The following SCUBE2 variants were observed in gnomAD, a reference collection of about 807,000 sequenced individuals.
The protein encoded by SCUBE2 is signal peptide, CUB domain and EGF like domain containing 2.
In SCUBE2, 114 loss-of-function variants were observed where a neutral mutation model predicts 125.9. The ratio of observed to expected loss-of-function variants is 0.91; its 90% CI spans 0.78 to 1.06. SCUBE2 has a LOEUF of 1.06. SCUBE2 is among the 50% of genes least tolerant of loss of function. The pLI is 0.00. For synonymous variants in SCUBE2, 459 were observed against 492.9 expected (o/e 0.93, Z 0.91); for missense variants, 1,255 against 1,301.8 (o/e 0.96, Z 0.55).
intron 5 of SCUBE2, among the ~76,000 whole-genome samples, chr11:9,067,220 A>G (rs1026304212): frequency 9.2e-5 from 14 of 152,214 alleles, no homozygotes; most frequent in African/African-American, 3.1e-4. Flanking sequence ...AACAGACAAT[A>G]TTTAATTTGT....
Position 9,047,479 on chromosome 11 carries a change from T to C in SCUBE2, c.1879A>G (p.Arg627Gly). The change falls in exon 16 of 23, where the codon AGG becomes GGG. Residue 627 changes from arginine (R) to glycine (G), a missense_variant. By Grantham distance (125) the Arg-to-Gly change is moderately radical. This residue lies in a region of SCUBE2 where 515 missense variants were observed against 515.7 expected (regional missense o/e 1.00). Transcript: ENST00000649792. ...AIRTLRKAVHREQFHLQLSGM... is the reference protein window; with the variant it reads ...AIRTLRKAVHGEQFHLQLSGM... The stretch of plus-strand genomic sequence containing the variant: ...GAGAGCTGGAGGTGAAACTGCTCCC[T>C]GTGGACGGCCTTTCTGAGCGTGCGG... 1.9e-6 allele frequency: 3 copies of C among 1,613,948 alleles called. No homozygotes were observed. The highest frequency in any genetic ancestry group is 2.5e-6 in the Non-Finnish European group (3 of 1,179,994).
Position 9,048,025 on chromosome 11 carries a change from TCC to T in SCUBE2, c.1711_1712del (p.Gly571SerfsTer9). ...LTCSSGKQVP[G>X]APGRPSTPKE... ...TAGGGGTGCTTGGTCGGCCAGGGGC[TCC>T]TGGGACTTGCTTGCCAGAGCTGCAT... On this transcript the variant is annotated frameshift_variant, in exon 15 of 23. Transcript: ENST00000649792. LOFTEE classifies it high-confidence loss of function. 6.2e-7 allele frequency: 1 copy of T among 1,614,228 alleles called. No individual in the cohort carries two copies. The highest frequency in any genetic ancestry group is 8.5e-7 in the Non-Finnish European group (1 of 1,180,040).
intron 16 of SCUBE2, among the ~76,000 whole-genome samples, chr11:9,037,619 G>A (rs1856849208): frequency 6.6e-6 from 1 of 152,232 alleles, no homozygotes; most frequent in African/African-American, 2.4e-5. Context: ...GTGCCCCAGG[G>A]CTGCTGCTTT....
chr11:9,024,582 C>G (rs920489781), intron 21 of SCUBE2, among the ~76,000 whole-genome samples: 1 of 152,146 alleles, frequency 6.6e-6, no homozygotes, highest in Non-Finnish European at 1.5e-5. Flanking sequence ...CACAGCTGAA[C>G]CCCATTCCCT....
chr11:9,058,595 C>CAAAAAAAAAAAAA lies in SCUBE2; in HGVS notation c.1090+695_1090+707dup, dbSNP rs61409328. ...TGGGTGACAGAGCGAGACTCTGTCT[C>CAAAAAAAAAAAAA]AAAAAAAAAAAAAAAAAAAAAAAAA... On this transcript the variant is annotated intron_variant, in intron 9 of 22. Transcript: ENST00000649792. 1.4e-4 allele frequency among the ~76,000 whole-genome samples: 6 copies of CAAAAAAAAAAAAA among 44,314 alleles called. 1 individual carries two copies. The highest frequency in any genetic ancestry group is 5.1e-4 in the African/African-American group (6 of 11,760). The allele number at this position is 44,314 out of a possible 152,430, so 29.1% of individuals were successfully genotyped here. A position where few individuals can be genotyped will look rare whatever the true frequency, so the allele number is the denominator to read the frequency against.
Position 9,067,108 on chromosome 11 carries a change from A to G in SCUBE2, c.644-295T>C, listed in dbSNP as rs528668591. 2.0e-5 allele frequency among the ~76,000 whole-genome samples: 3 copies of G among 152,360 alleles called. No homozygotes were observed. In the South Asian group the frequency reaches 6.2e-4, roughly 32 times the overall value. On this transcript the variant is annotated intron_variant, in intron 5 of 22. Coordinates refer to ENST00000649792, the MANE Select transcript of SCUBE2 (RefSeq NM_001367977.2). ...TTATTATATAAGGGAGATTATACCA[A>G]GAGATTCTAGACTACTGCTTTGTTC... is the stretch of plus-strand genomic sequence containing the variant.
At chr11:9,069,697 T>C (rs3751050) in intron 4 of SCUBE2, among the ~76,000 whole-genome samples, 13,730 of 152,248 alleles carry the variant, frequency 0.09, 721 homozygotes, top group South Asian at 0.2. Context: ...CCAAGAGATA[T>C]GATGTCTCAA....
intron 8 of SCUBE2, chr11:9,059,747 GGGTCTCTTT>G (rs1859473093): frequency 3.4e-6 from 1 of 293,100 alleles, no homozygotes; most frequent in South Asian, 7.7e-5. Context: ...AAGGTAAGAT[GGGTCTCTTT>G]AGTACACTAT....
Position 9,052,802 on chromosome 11 carries a change from C to A in SCUBE2, c.1478G>T (p.Gly493Val). The stretch of plus-strand genomic sequence containing the variant: ...TTTGTTCCTGAGAGGAGAGGAAGAG[C>A]CACAGGTGACAGAGTAGGCCCCTTG... Reference protein sequence around the residue: ...GLQGAYSVTCGSSSPLRNKQQ... With the variant: ...GLQGAYSVTCVSSSPLRNKQQ... The change falls in exon 13 of 23, where the codon GGC (glycine) becomes GTC (valine). Residue 493 changes from glycine (G) to valine (V), a missense_variant. Transcript: ENST00000649792. The A allele has an allele frequency of 7.2e-6, 11 of 1,537,124 alleles. No homozygotes were observed. Among genetic ancestry groups the A allele is most frequent in the Non-Finnish European group, 9.6e-6 (11 of 1,146,848 alleles).
intron 8 of SCUBE2, 58 bp downstream of exon 8, chr11:9,060,350 G>A (rs1032085255): frequency 1.3e-4 from 167 of 1,314,824 alleles, no homozygotes; most frequent in Non-Finnish European, 1.6e-4. Flanking sequence ...ATATGTTAGC[G>A]GCATGGGCCC....
chr11:9,027,672 G>T, intron 19 of SCUBE2, 111 bp from the exon 20 acceptor site: 1 of 873,796 alleles, frequency 1.1e-6, no homozygotes, highest in Non-Finnish European at 1.8e-6. Flanking sequence ...AATGGGGCAT[G>T]AAAATGACAC....
intron 9 of SCUBE2, among the ~76,000 whole-genome samples, chr11:9,056,719 G>A (rs935285760): frequency 6.6e-6 from 1 of 152,130 alleles, no homozygotes; most frequent in Non-Finnish European, 1.5e-5. Flanking sequence ...CTTTCTTGTA[G>A]GCTGGAATTT....
intron 4 of SCUBE2, among the ~76,000 whole-genome samples, chr11:9,069,998 G>A (rs1860624513): frequency 6.6e-6 from 1 of 152,164 alleles, no homozygotes; most frequent in Non-Finnish European, 1.5e-5. Flanking sequence ...GTGTGACTGT[G>A]GCATTTTGGC....
Position 9,055,929 on chromosome 11 carries a change from A to T in SCUBE2, c.1091-20T>A. 1 of 1,600,322 alleles carries T rather than the reference A, an allele frequency of 6.2e-7. No homozygotes were observed. Among genetic ancestry groups the T allele is most frequent in the Non-Finnish European group, 8.6e-7 (1 of 1,167,382 alleles). ...CCACATCTGTAATGGTCAAAGGGAG[A>T]GGGGAGCTGAAACCCACTCTGAGGG... On this transcript the variant is annotated intron_variant, in intron 9 of 22. Transcript: ENST00000649792.
intron 10 of SCUBE2, among the ~76,000 whole-genome samples, chr11:9,054,698 A>ACAATATAT (rs1564822811): frequency 1.5e-4 from 9 of 61,236 alleles, no homozygotes; most frequent in Non-Finnish European, 1.9e-4. Flanking sequence ...GCAAAGCACT[A>ACAATATAT]GTGTATATAT....
intron 2 of SCUBE2, among the ~76,000 whole-genome samples, chr11:9,081,990 C>A (rs1564850977): frequency 6.6e-6 from 1 of 152,178 alleles, no homozygotes; most frequent in Non-Finnish European, 1.5e-5. Context: ...TCCTCACAGA[C>A]ATTTATTATT....
intron 2 of SCUBE2, among the ~76,000 whole-genome samples, chr11:9,088,156 G>A (rs762921695): frequency 6.6e-6 from 1 of 152,210 alleles, no homozygotes; most frequent in Non-Finnish European, 1.5e-5. Context: ...CTGGACACTA[G>A]GCCATTAAAT....
At chr11:9,043,802 A>AT (rs56287123) in intron 16 of SCUBE2, among the ~76,000 whole-genome samples, 24,519 of 140,158 alleles carry the variant, frequency 0.17, 2,025 homozygotes, top group African/African-American at 0.22. Context: ...TAAAATGACT[A>AT]TTTTTTTTTT....
Position 9,091,162 on chromosome 11 carries a change from G to A in SCUBE2, c.133+234C>T, listed in dbSNP as rs1302280296. On this transcript the variant is annotated intron_variant, in intron 1 of 22. Coordinates refer to ENST00000649792, the MANE Select transcript of SCUBE2 (RefSeq NM_001367977.2). The surrounding 1 kb of genome is among the most constrained non-coding windows in gnomAD (Gnocchi z 8.5). The stretch of plus-strand genomic sequence containing the variant: ...GCTCTGGAGGCATCCGGACCGGGGC[G>A]GGAACCGTCAGCAGCTCCGGGTCCG... 1.3e-5 allele frequency among the ~76,000 whole-genome samples: 2 copies of A among 152,298 alleles called. No homozygotes were observed. The highest frequency in any genetic ancestry group is 1.9e-4 in the East Asian group (1 of 5,152).
Sources: gnomAD v4.1 joint callset for allele counts (sites outside exome capture counted in the v4.1 genomes callset) on GRCh38, gnomAD v4.1.1 for gene constraint, gnomAD v4.1.1 regional missense constraint, Gnocchi (gnomAD v3.1) non-coding constraint, MANE v1.5 for transcripts, NCBI Gene and HGNC (gene_info 2026-07-23, HGNC 2026-07-21) for gene names.